Variants in CNTD1 observed in about 807,000 individuals in gnomAD.
CNTD1 encodes the protein cyclin N-terminal domain containing 1, also known as cyclin N-terminal domain-containing protein 1.
CNTD1 carries 17 observed loss-of-function variants against 36.3 expected under a neutral mutation model. The observed-to-expected ratio is 0.47, with a 90% confidence interval of 0.32 to 0.70. The LOEUF is 0.70. CNTD1 is among the 30% of genes least tolerant of loss of function. The pLI is 0.03. For missense variants in CNTD1, 338 were observed against 386.1 expected (o/e 0.88, Z 1.04); for synonymous variants, 128 against 153.3 (o/e 0.83, Z 1.22).
chr17:42,808,359 G>T (rs1396138764), intron 6 of CNTD1, among the ~76,000 whole-genome samples: 1 of 151,736 alleles, frequency 6.6e-6, no homozygotes, highest in Non-Finnish European at 1.5e-5. Flanking sequence ...GACCAGCCTG[G>T]GCAACATGGA....
Position 42,803,645 on chromosome 17 carries a change from A to G in CNTD1, c.195A>G (p.Gln65=), listed in dbSNP as rs756613234. The G allele has an allele frequency of 1.2e-6, 2 of 1,614,038 alleles. No individual in the cohort carries two copies. The highest frequency in any genetic ancestry group is 4.5e-5 in the East Asian group (2 of 44,874). Residue 65 remains glutamine, a synonymous_variant, in exon 2 of 7, where the codon CAA becomes CAG. Transcript: ENST00000588408. ...AGTTTGTTTTTCTCCTGTCTGAACAATGGTGTCTGGAGAAATCTGTGAGCT... is the reference window on the plus strand; with the variant it reads ...AGTTTGTTTTTCTCCTGTCTGAACAGTGGTGTCTGGAGAAATCTGTGAGCT... ...IVEFVFLLSE[Q]WCLEKSVSYQ... is the part of the protein sequence containing the mutation.
intron 1 of CNTD1, among the ~76,000 whole-genome samples, chr17:42,801,417 A>AC (rs558607612): frequency 6.8e-6 from 1 of 146,176 alleles, no homozygotes; most frequent in South Asian, 2.2e-4. Context: ...AATGGCTGGA[A>AC]CCCGGGAGGC....
rs1048902831 is a variant in CNTD1, at chr17:42,810,532, G to A, written c.*997G>A. 1.1e-5 allele frequency: 4 copies of A among 368,670 alleles called. No homozygotes were observed. Among genetic ancestry groups the A allele is most frequent in the Non-Finnish European group, 1.9e-5 (4 of 209,920 alleles). The allele number at this position is 368,670 out of a possible 1,614,324, so 22.8% of individuals were successfully genotyped here. On this transcript the variant is annotated 3_prime_UTR_variant, in exon 7 of 7. Coordinates refer to ENST00000588408, the MANE Select transcript of CNTD1 (RefSeq NM_173478.3). ...GAGAAGAAAGGGAAAGGAGTCCATG[G>A]GGTTAAGAATCAAAACTGACCAGGG...
At chr17:42,801,510 A>AATATATAAAT (rs2054787450) in intron 1 of CNTD1, among the ~76,000 whole-genome samples, 1 of 54,356 alleles carries the variant, frequency 1.8e-5, no homozygotes, top group Non-Finnish European at 3.0e-5. Context: ...AAAAAAAAAA[A>AATATATAAAT]ATATATATAT....
chr17:42,806,840 A>C (rs1382832782), intron 5 of CNTD1, 22 bp downstream of exon 5: 1 of 1,612,724 alleles, frequency 6.2e-7, no homozygotes, highest in East Asian at 2.2e-5. Context: ...CCTATAGGGT[A>C]GGCTCCTTCC....
chr17:42,801,721 A>T (rs1198406755), intron 1 of CNTD1, among the ~76,000 whole-genome samples: 1 of 151,644 alleles, frequency 6.6e-6, no homozygotes, highest in Non-Finnish European at 1.5e-5. Context: ...TTATCTTCAC[A>T]ATGATATTGT....
chr17:42,802,761 G>A (rs1160623918), intron 1 of CNTD1, among the ~76,000 whole-genome samples: 2 of 152,098 alleles, frequency 1.3e-5, no homozygotes, highest in Admixed American at 6.5e-5. Context: ...AATTCTCTAC[G>A]GATCAATGCT....
At position 42,799,256 on chromosome 17, in the gene CNTD1, G is replaced by C; in HGVS notation, c.169+20G>C. On this transcript the variant is annotated intron_variant, in intron 1 of 6. Coordinates refer to ENST00000588408, the MANE Select transcript of CNTD1 (RefSeq NM_173478.3). ...TCGTGGGTGCGGCTGCAGGGCCGGGGTGCTGGGTTCTTGGGAGACTGGGGC... is the reference window on the plus strand; with the variant it reads ...TCGTGGGTGCGGCTGCAGGGCCGGGCTGCTGGGTTCTTGGGAGACTGGGGC... The C allele has an allele frequency of 6.2e-7, 1 of 1,607,070 alleles. No homozygotes were observed. The highest frequency in any genetic ancestry group is 8.5e-7 in the Non-Finnish European group (1 of 1,177,540).
chr17:42,802,330 T>C (rs970671537), intron 1 of CNTD1, among the ~76,000 whole-genome samples: 2 of 152,134 alleles, frequency 1.3e-5, no homozygotes, highest in African/African-American at 4.8e-5. Context: ...GTGGGGCCAA[T>C]AGCAAGGGAA....
intron 3 of CNTD1, among the ~76,000 whole-genome samples, chr17:42,804,847 C>A (rs2054852722): frequency 6.6e-6 from 1 of 152,050 alleles, no homozygotes; most frequent in Non-Finnish European, 1.5e-5. Flanking sequence ...TGTAAGAAAC[C>A]TACTCCTAGG....
rs1157383645 is a variant in CNTD1, at chr17:42,804,278, G to A, written c.299G>A (p.Arg100Lys). 1.2e-6 allele frequency: 2 copies of A among 1,614,036 alleles called. No individual in the cohort carries two copies. The highest frequency in any genetic ancestry group is 1.7e-6 in the Non-Finnish European group (2 of 1,180,020). ...NICRQATIQPRDNKRESQNWR... is the reference protein window; with the variant it reads ...NICRQATIQPKDNKRESQNWR... ...TGCAGGCAAGCCACAATCCAGCCAA[G>A]AGATAATAAGAGAGAGTCTCAGAAT... The change falls in exon 3 of 7, where the codon AGA becomes AAA. Residue 100 changes from arginine (R) to lysine (K), a missense_variant. Physicochemically the swap from Arg to Lys is conservative, Grantham distance 26. Transcript: ENST00000588408.
In CNTD1 at chr17:42,805,748, T is replaced by C. The variant is rs148610228; in HGVS notation, c.444T>C (p.Asn148=). ...NKIISNITVL[N]FLQALGYLHT... ...TAATCAGCAACATTACAGTCTTGAATTTCCTCCAGGCTCTAGGCTATCTAC... is the reference window on the plus strand; with the variant it reads ...TAATCAGCAACATTACAGTCTTGAACTTCCTCCAGGCTCTAGGCTATCTAC... Residue 148 remains asparagine, a synonymous_variant, in exon 4 of 7, where the codon AAT becomes AAC. Transcript: ENST00000588408. 3.8e-4 allele frequency: 613 copies of C among 1,611,904 alleles called. 1 individual carries two copies. In the Admixed American group the frequency reaches 7.5e-3, roughly 20 times the overall value.
At chr17:42,801,513 ATATAT>A (rs1567660152) in intron 1 of CNTD1, among the ~76,000 whole-genome samples, 5,316 of 54,614 alleles carry the variant, frequency 0.097, 484 homozygotes, top group East Asian at 0.16. Flanking sequence ...AAAAAAAAAT[ATATAT>A]ATATATATAT....
At chr17:42,802,623 G>A (rs2054813974) in intron 1 of CNTD1, among the ~76,000 whole-genome samples, 1 of 152,164 alleles carries the variant, frequency 6.6e-6, no homozygotes, top group Non-Finnish European at 1.5e-5. Context: ...CCTCTGTAAC[G>A]ATGAGGTTTT....
chr17:42,810,910 G>A lies in CNTD1; in HGVS notation c.*1375G>A. 1.2e-6 allele frequency: 2 copies of A among 1,610,064 alleles called. No individual in the cohort carries two copies. The highest frequency in any genetic ancestry group is 1.7e-6 in the Non-Finnish European group (2 of 1,178,432). On this transcript the variant is annotated 3_prime_UTR_variant, in exon 7 of 7. Transcript: ENST00000588408. ...CACTGCCTCCTGTGTCTTCAATCTTGCCTTTCTCCACATCCATCCTGCAGA... is the reference window on the plus strand; with the variant it reads ...CACTGCCTCCTGTGTCTTCAATCTTACCTTTCTCCACATCCATCCTGCAGA...
Position 42,809,920 on chromosome 17 carries a change from A to T in CNTD1, c.*385A>T. The T allele has an allele frequency of 6.4e-6, 1 of 155,518 alleles. No homozygotes were observed. Among genetic ancestry groups the T allele is most frequent in the South Asian group, 2.0e-4 (1 of 5,062 alleles). The allele number at this position is 155,518 out of a possible 1,614,324, so 9.6% of individuals were successfully genotyped here. A position where few individuals can be genotyped will look rare whatever the true frequency, so the allele number is the denominator to read the frequency against. On this transcript the variant is annotated 3_prime_UTR_variant, in exon 7 of 7. Transcript: ENST00000588408. ...AGGAGGTAGCCTTTATTTCCCCTTAAAATTAGTTTAACATCTCTGTTCCAT... is the reference window on the plus strand; with the variant it reads ...AGGAGGTAGCCTTTATTTCCCCTTATAATTAGTTTAACATCTCTGTTCCAT...
intron 4 of CNTD1, among the ~76,000 whole-genome samples, 200 bp from the exon 5 acceptor site, chr17:42,806,474 T>A (rs2054880831): frequency 6.6e-6 from 1 of 152,172 alleles, no homozygotes; most frequent in Non-Finnish European, 1.5e-5. Flanking sequence ...ACATGCTAAT[T>A]GTATGTATAC....
intron 1 of CNTD1, among the ~76,000 whole-genome samples, chr17:42,802,639 T>A (rs530763664): frequency 3.3e-5 from 5 of 152,352 alleles, no homozygotes; most frequent in African/African-American, 1.2e-4. Context: ...GTTTTGTACA[T>A]CTATCTATGT....
rs373035896 is a variant in CNTD1 at position 42,799,685 on chromosome 17, G to C, written c.169+449G>C. 1.4e-4 allele frequency among the ~76,000 whole-genome samples: 19 copies of C among 137,378 alleles called. No individual in the cohort carries two copies. In the South Asian group the frequency reaches 4.5e-3, roughly 33 times the overall value. 90.1% of individuals were successfully genotyped at this position (137,378 alleles called of 152,430 possible). On this transcript the variant is annotated intron_variant, in intron 1 of 6. Transcript: ENST00000588408. ...GAGAACTGTTTGAACCCAGGAGGCG[G>C]AAGTTGCAGTGAGCCGAAATCGTGC...
Sources: allele counts gnomAD v4.1 joint callset (sites outside exome capture counted in the v4.1 genomes callset), GRCh38; gene constraint gnomAD v4.1.1; transcripts MANE v1.5; gene names NCBI Gene and HGNC (gene_info 2026-07-23, HGNC 2026-07-21).